Variants in ZNF618 observed in about 807,000 individuals in gnomAD.
ZNF618 encodes the protein neural precursor cell expressed, developmentally down-regulated 10.
Under a neutral mutation model 103.0 loss-of-function variants are expected in ZNF618, and 34 were observed. The ratio of observed to expected loss-of-function variants is 0.33; its 90% confidence interval spans 0.25 to 0.44. ZNF618 has a LOEUF of 0.44. Among genes scored for constraint, ZNF618 ranks in the 20% least tolerant of loss-of-function variants. ZNF618 has a pLI of 1.00. For missense variants in ZNF618, 1,059 were observed against 1,295.4 expected (o/e 0.82, Z 2.80); for synonymous variants, 551 against 542.2 (o/e 1.02, Z -0.23).
intron 1 of ZNF618, among the ~76,000 whole-genome samples, chr9:113,911,503 A>G (rs899142425): frequency 4.0e-5 from 6 of 149,900 alleles, no homozygotes; most frequent in African/African-American, 1.2e-4. Context: ...TGATTATTGT[A>G]TTTTTAGTAG....
At chr9:113,889,347 TTCTC>T (rs1388292045) in intron 1 of ZNF618, among the ~76,000 whole-genome samples, 1 of 104,122 alleles carries the variant, frequency 9.6e-6, no homozygotes, top group Non-Finnish European at 2.2e-5. Flanking sequence ...CTCTCTCTCT[TTCTC>T]TCCCTCCCTC....
chr9:114,033,413 G>GAA (rs1844281983), intron 12 of ZNF618, among the ~76,000 whole-genome samples: 1 of 150,450 alleles, frequency 6.6e-6, no homozygotes, highest in African/African-American at 2.5e-5. Context: ...GAGAGAGAGA[G>GAA]AGAGAGAGCT....
Position 113,914,030 on chromosome 9 carries a change from T to C in ZNF618, c.33+37617T>C, listed in dbSNP as rs576918403. Among the ~76,000 whole-genome samples the C allele has an allele frequency of 4.6e-5, 7 of 152,246 alleles. No individual in the cohort carries two copies. In the South Asian group the frequency reaches 1.2e-3, roughly 27 times the overall value. Reference sequence around the variant, plus strand: ...CTGCAGCAAAGAAAATAGATGAATTTTGTTTATTCAGCCTCCCCCAACCTG... The same window carrying C: ...CTGCAGCAAAGAAAATAGATGAATTCTGTTTATTCAGCCTCCCCCAACCTG... On this transcript the variant is annotated intron_variant, in intron 1 of 14. Coordinates refer to ENST00000374126, the MANE Select transcript of ZNF618 (RefSeq NM_001318042.2).
chr9:114,017,956 G>A (rs942786179), intron 10 of ZNF618, among the ~76,000 whole-genome samples: 1 of 152,170 alleles, frequency 6.6e-6, no homozygotes, highest in African/African-American at 2.4e-5. Flanking sequence ...CAGTCCTGAG[G>A]TCGAGCACTG....
chr9:114,050,065 G>C lies in ZNF618; in HGVS notation c.2763G>C (p.Gly921=), dbSNP rs758615817. The stretch of plus-strand genomic sequence containing the variant: ...TTCCGGCCGTGGGCGCCAGAAGCGG[G>C]TGTGTAAATATGTGTGAACAAGCGC... ...LAVPAVGARS[G]CVNMCEQALL... The change falls in exon 15 of 15, where the codon GGG becomes GGC. Residue 921 remains glycine, a synonymous_variant. Transcript: ENST00000374126. The C allele has an allele frequency of 1.2e-6, 2 of 1,613,526 alleles. No individual in the cohort carries two copies. Among genetic ancestry groups the C allele is most frequent in the Middle Eastern group, 1.6e-4 (1 of 6,062 alleles).
chr9:113,946,103 GC>G (rs1405029945), intron 1 of ZNF618, among the ~76,000 whole-genome samples: 1 of 152,228 alleles, frequency 6.6e-6, no homozygotes, highest in Non-Finnish European at 1.5e-5. Flanking sequence ...TTGAGAGCCA[GC>G]ACCACTGTCA....
chr9:113,964,712 GAAA>G (rs1244800320), intron 1 of ZNF618, among the ~76,000 whole-genome samples: 4 of 144,546 alleles, frequency 2.8e-5, no homozygotes, highest in Non-Finnish European at 6.0e-5. Flanking sequence ...TGAAAAAAAG[GAAA>G]AAAAGAAAAG....
intron 2 of ZNF618, among the ~76,000 whole-genome samples, chr9:113,971,160 G>T (rs1286951519): frequency 1.3e-5 from 2 of 151,722 alleles, no homozygotes; most frequent in Non-Finnish European, 2.9e-5. Flanking sequence ...TGTGGCCTGC[G>T]GGGCAGTAGC....
chr9:114,016,744 C>T lies in ZNF618; in HGVS notation c.804C>T (p.Tyr268=), dbSNP rs751746247. 54 of 1,613,614 alleles carry T rather than the reference C, an allele frequency of 3.3e-5. 1 individual carries two copies. The South Asian group carries it at 5.7e-4, about 17-fold the overall frequency. ...TCTGCGGCAAACAGTACAAGTACTA[C>T]ACTCCCTACCAGGAGCATGTGGCCT... The part of the protein sequence containing the change: ...CEFCGKQYKY[Y]TPYQEHVALH... The change falls in exon 10 of 15, where the codon TAC becomes TAT. Residue 268 remains tyrosine (Y), a synonymous_variant. Transcript: ENST00000374126.
At chr9:113,963,365 G>A (rs1837047729) in intron 1 of ZNF618, among the ~76,000 whole-genome samples, 2 of 152,230 alleles carry the variant, frequency 1.3e-5, no homozygotes, top group South Asian at 2.1e-4. Context: ...GGTGTCGTAT[G>A]TATTTGGTAG....
intron 1 of ZNF618, among the ~76,000 whole-genome samples, chr9:113,940,270 T>C (rs910182428): frequency 2.0e-5 from 3 of 152,142 alleles, no homozygotes; most frequent in African/African-American, 7.2e-5. Context: ...GAGGTTTTTT[T>C]TGTGGCCTGT....
At chr9:113,957,075 A>G (rs1204039253) in intron 1 of ZNF618, among the ~76,000 whole-genome samples, 1 of 152,152 alleles carries the variant, frequency 6.6e-6, no homozygotes, top group African/African-American at 2.4e-5. Flanking sequence ...CTTGAACCCA[A>G]CCCATCTGCC....
chr9:113,951,526 CAT>C lies in ZNF618; in HGVS notation c.34-17588_34-17587del, dbSNP rs551406583. Reference sequence around the variant, plus strand: ...ACACATATATGTGTGTATATGTACACATATGTGTGTACATATGTACACATATG... The same window carrying C: ...ACACATATATGTGTGTATATGTACACATGTGTGTACATATGTACACATATG... On this transcript the variant is annotated intron_variant, in intron 1 of 14. Coordinates refer to ENST00000374126, the MANE Select transcript of ZNF618 (RefSeq NM_001318042.2). 5.2e-4 allele frequency among the ~76,000 whole-genome samples: 43 copies of C among 82,066 alleles called. 6 individuals carry two copies. Among genetic ancestry groups the C allele is most frequent in the East Asian group, 2.9e-3 (6 of 2,088 alleles). 53.8% of individuals were successfully genotyped at this position (82,066 alleles called of 152,430 possible).
intron 1 of ZNF618, among the ~76,000 whole-genome samples, chr9:113,966,042 TATC>T (rs1837378725): frequency 6.6e-6 from 1 of 152,176 alleles, no homozygotes; most frequent in Non-Finnish European, 1.5e-5. Context: ...ATCTTATACA[TATC>T]ATTCTGTTTT....
At chr9:114,016,114 GAAC>G in intron 9 of ZNF618, 1 of 1,610,188 alleles carries the variant, frequency 6.2e-7, no homozygotes, top group South Asian at 1.1e-5. Flanking sequence ...TTCCCCCAGT[GAAC>G]AATATTACAT....
intron 1 of ZNF618, among the ~76,000 whole-genome samples, chr9:113,932,300 G>A (rs899056985): frequency 1.3e-5 from 2 of 152,174 alleles, no homozygotes; most frequent in African/African-American, 4.8e-5. Context: ...GGAATGAGCA[G>A]TAGAAAGGCC....
chr9:114,013,783 G>C (rs183946630), intron 9 of ZNF618, among the ~76,000 whole-genome samples: 20 of 152,300 alleles, frequency 1.3e-4, no homozygotes, highest in Non-Finnish European at 1.9e-4. Context: ...TTACAGTAAA[G>C]TAGGTTAAGC....
chr9:113,914,865 G>T (rs144591107), intron 1 of ZNF618, among the ~76,000 whole-genome samples: 2 of 152,146 alleles, frequency 1.3e-5, no homozygotes, highest in Admixed American at 6.5e-5. Flanking sequence ...GTCAGTAGGA[G>T]CGAGCTTGAC....
At chr9:113,906,202 A>G (rs531958406) in intron 1 of ZNF618, among the ~76,000 whole-genome samples, 1 of 152,228 alleles carries the variant, frequency 6.6e-6, no homozygotes, top group South Asian at 2.1e-4. Context: ...GATATTACCA[A>G]ATTGGCCCTT....
Sources: gnomAD v4.1 joint callset for allele counts (sites outside exome capture counted in the v4.1 genomes callset) on GRCh38, gnomAD v4.1.1 for gene constraint, MANE v1.5 for transcripts, NCBI Gene and HGNC (gene_info 2026-07-23, HGNC 2026-07-21) for gene names.